SAXO1: variants seen among roughly 807,000 people sequenced by gnomAD.
SAXO1 encodes the protein stabilizer of axonemal microtubules 1.
In SAXO1, 21 loss-of-function variants were observed where a neutral mutation model predicts 17.5. The observed-to-expected ratio is 1.20, with a 90% CI of 0.85 to 1.72. The LOEUF (loss-of-function observed/expected upper bound fraction) is 1.72, where lower values mean the gene tolerates loss of function less well. SAXO1 is among the 40% of genes most tolerant of loss of function. The pLI is 0.00. For missense variants in SAXO1, 843 were observed against 596.0 expected, an observed-to-expected ratio of 1.41 and a Z score of -4.32; for synonymous variants, 274 against 216.5, an observed-to-expected ratio of 1.27 and a Z score of -2.33.
chr9:18,946,620 C>A (rs953086170), intron 2 of SAXO1, among the ~76,000 whole-genome samples: 1 of 150,912 alleles, frequency 6.6e-6, no homozygotes, highest in Non-Finnish European at 1.5e-5. Context: ...CAAAAATCAA[C>A]CCAAAATCTG....
intron 1 of SAXO1, among the ~76,000 whole-genome samples, chr9:18,962,138 G>A (rs539914816): frequency 3.3e-5 from 5 of 152,202 alleles, no homozygotes; most frequent in African/African-American, 4.8e-5. Context: ...CGTAATCACT[G>A]CTCGCCTCAA....
intron 1 of SAXO1, among the ~76,000 whole-genome samples, chr9:18,956,253 A>G (rs1170623243): frequency 6.6e-6 from 1 of 151,868 alleles, no homozygotes; most frequent in Non-Finnish European, 1.5e-5. Context: ...ACCAGCATCA[A>G]CTTTCATGTT....
chr9:18,960,081 G>A (rs1832421940), intron 1 of SAXO1, among the ~76,000 whole-genome samples: 2 of 152,230 alleles, frequency 1.3e-5, no homozygotes. Flanking sequence ...ATGTTCAGCG[G>A]CTACTGGAGA....
At chr9:19,008,830 A>G (rs1363273631) in intron 1 of SAXO1, among the ~76,000 whole-genome samples, 1 of 152,162 alleles carries the variant, frequency 6.6e-6, no homozygotes. Context: ...CAGGTCCAGG[A>G]GCAACTGTGT....
chr9:19,027,926 A>G, intron 1 of SAXO1: 1 of 1,415,752 alleles, frequency 7.1e-7, no homozygotes. Context: ...TCCACTCCCA[A>G]AAGATGAACG....
At position 18,975,703 on chromosome 9, in the gene SAXO1, T is replaced by C. The variant is rs183711061; in HGVS notation, c.39-24766A>G. Among the ~76,000 whole-genome samples, 15 of 152,302 alleles carry C rather than the reference T, an allele frequency of 9.8e-5. No individual in the cohort carries two copies. The East Asian group carries it at 2.9e-3, about 29-fold the overall frequency. On this transcript the variant is annotated intron_variant, in intron 1 of 3. Transcript: ENST00000380534. Reference sequence around the variant, plus strand: ...TTCATACACTATGTAAATGAGACCATACAAAGTCAGATTTGGTTCAAACCC... The same window carrying C: ...TTCATACACTATGTAAATGAGACCACACAAAGTCAGATTTGGTTCAAACCC...
At chr9:18,929,538 C>A (rs1248911523) in intron 3 of SAXO1, among the ~76,000 whole-genome samples, 1 of 152,156 alleles carries the variant, frequency 6.6e-6, no homozygotes, top group Non-Finnish European at 1.5e-5. Context: ...GAGTGACAGC[C>A]CACTGTGTCC....
chr9:19,048,743 G>A (rs183657646), intron 1 of SAXO1, among the ~76,000 whole-genome samples: 17 of 152,206 alleles, frequency 1.1e-4, no homozygotes, highest in Non-Finnish European at 2.2e-4. Flanking sequence ...TGAAAATAGG[G>A]TTATTAATTC....
At chr9:19,028,658 G>C (rs936700355) in intron 1 of SAXO1, among the ~76,000 whole-genome samples, 1 of 152,150 alleles carries the variant, frequency 6.6e-6, no homozygotes, top group Non-Finnish European at 1.5e-5. Context: ...ACATTCTATG[G>C]TAATAATTCC....
At chr9:18,989,760 G>T (rs777872210) in intron 1 of SAXO1, among the ~76,000 whole-genome samples, 1 of 152,262 alleles carries the variant, frequency 6.6e-6, no homozygotes, top group African/African-American at 2.4e-5. Context: ...TGGGTTCTCA[G>T]CATGTAGGTA....
chr9:19,017,014 T>C (rs911515157), intron 1 of SAXO1, among the ~76,000 whole-genome samples: 1 of 151,744 alleles, frequency 6.6e-6, no homozygotes, highest in Non-Finnish European at 1.5e-5. Flanking sequence ...GCAACTTCAA[T>C]GCAGACCAAT....
At chr9:18,940,560 T>A (rs756457083) in intron 3 of SAXO1, among the ~76,000 whole-genome samples, 1 of 152,172 alleles carries the variant, frequency 6.6e-6, no homozygotes, top group Admixed American at 6.5e-5. Context: ...TCACCCTAAA[T>A]GCTTGGCTTG....
rs1429884798 is a variant in SAXO1, at chr9:18,960,300, C to A, written c.39-9363G>T. On this transcript the variant is annotated intron_variant, in intron 1 of 3. Coordinates refer to ENST00000380534, the MANE Select transcript of SAXO1 (RefSeq NM_153707.4). ...GAAAGAAACATGTCCACAACTCTTTCAATTCTTGGAGAGCCAATCCTCTGG... is the reference window on the plus strand; with the variant it reads ...GAAAGAAACATGTCCACAACTCTTTAAATTCTTGGAGAGCCAATCCTCTGG... 3.9e-5 allele frequency among the ~76,000 whole-genome samples: 6 copies of A among 152,154 alleles called. No homozygotes were observed. In the East Asian group the frequency reaches 9.6e-4, roughly 24 times the overall value.
intron 1 of SAXO1, among the ~76,000 whole-genome samples, chr9:18,953,573 A>G (rs1832125310): frequency 6.6e-6 from 1 of 152,126 alleles, no homozygotes; most frequent in Non-Finnish European, 1.5e-5. Flanking sequence ...GCAAAAATAA[A>G]TGTTTCACTG....
At chr9:19,025,416 C>G (rs562113954) in intron 1 of SAXO1, among the ~76,000 whole-genome samples, 33 of 152,174 alleles carry the variant, frequency 2.2e-4, no homozygotes, top group Non-Finnish European at 4.7e-4. Flanking sequence ...AAAATAAAAT[C>G]TAAGGTTAAG....
At chr9:18,948,234 T>C (rs940674419) in intron 2 of SAXO1, among the ~76,000 whole-genome samples, 2 of 152,172 alleles carry the variant, frequency 1.3e-5, no homozygotes, top group Admixed American at 1.3e-4. Flanking sequence ...CTATGAACAG[T>C]AGTGCCTATC....
rs146500976 is a variant in SAXO1 at position 19,049,266 on chromosome 9, C to A, written c.-215G>T. On this transcript the variant is annotated 5_prime_UTR_variant, in exon 1 of 4. Transcript: ENST00000542071. This position sits in a 1 kb window ranked among gnomAD's most constrained non-coding sequence, Gnocchi z 5.4. ...CAAAAGACCGAAGTCCTCGAGCTTC[C>A]CTTCCATCTTAGGGCTCACGCCGCC... The A allele has an allele frequency of 6.4e-5, 11 of 172,550 alleles. No individual in the cohort carries two copies. Among genetic ancestry groups the A allele is most frequent in the Admixed American group, 1.3e-4 (2 of 15,886 alleles). The allele number at this position is 172,550 out of a possible 1,614,324, so 10.7% of individuals were successfully genotyped here.
At chr9:19,002,054 T>C (rs1280771585) in intron 1 of SAXO1, among the ~76,000 whole-genome samples, 1 of 151,936 alleles carries the variant, frequency 6.6e-6, no homozygotes, top group African/African-American at 2.4e-5. Flanking sequence ...TAAAAAATGA[T>C]AAAGGGGATA....
intron 1 of SAXO1, among the ~76,000 whole-genome samples, chr9:19,028,332 C>T (rs1312922657): frequency 2.6e-5 from 4 of 152,110 alleles, no homozygotes; most frequent in East Asian, 1.9e-4. Flanking sequence ...GCCAAGATCG[C>T]GCCATTGCAC....
Sources: allele counts gnomAD v4.1 joint callset (sites outside exome capture counted in the v4.1 genomes callset), GRCh38; gene constraint gnomAD v4.1.1; non-coding constraint Gnocchi (gnomAD v3.1); transcripts MANE v1.5; gene names NCBI Gene and HGNC (gene_info 2026-07-23, HGNC 2026-07-21).